TBC1D9: variants seen among roughly 807,000 people sequenced by gnomAD.
TBC1D9 encodes TBC1 domain family member 9A.
Under a neutral mutation model 132.0 loss-of-function variants are expected in TBC1D9, and 63 were observed. That is an observed-to-expected ratio of 0.48 (90% confidence interval 0.39 to 0.59). The LOEUF (loss-of-function observed/expected upper bound fraction) is 0.59. Ranked by LOEUF, TBC1D9 falls within the 20% of genes least tolerant of loss-of-function variation. The pLI is 0.00. For missense variants in TBC1D9, 1,261 were observed against 1,592.7 expected (o/e 0.79, Z 3.54); for synonymous variants, 610 against 609.9 (o/e 1.00, Z 0.00).
intron 1 of TBC1D9, among the ~76,000 whole-genome samples, chr4:140,714,965 T>C (rs975327067): frequency 1.3e-5 from 2 of 151,984 alleles, no homozygotes; most frequent in African/African-American, 2.4e-5. Flanking sequence ...TACAAAAAAA[T>C]TTAAAAATTA....
chr4:140,711,947 A>G (rs114598252), intron 1 of TBC1D9, among the ~76,000 whole-genome samples: 3,605 of 152,284 alleles, frequency 0.024, 71 homozygotes, highest in Non-Finnish European at 0.031. Context: ...AAATATCTCA[A>G]ATGTACATTC....
chr4:140,643,162 T>C lies in TBC1D9; in HGVS notation c.2338-3734A>G, dbSNP rs1306058187. 5 of 1,439,850 alleles carry C rather than the reference T, an allele frequency of 3.5e-6. No homozygotes were observed. In the African/African-American group the frequency reaches 7.1e-5, roughly 20 times the overall value. The allele number at this position is 1,439,850 out of a possible 1,614,324, so 89.2% of individuals were successfully genotyped here. A position where few individuals can be genotyped will look rare whatever the true frequency, so the allele number is the denominator to read the frequency against. On this transcript the variant is annotated intron_variant, in intron 13 of 20. Coordinates refer to ENST00000442267, the MANE Select transcript of TBC1D9 (RefSeq NM_015130.3). Reference sequence around the variant, plus strand: ...TCCAGCACCTCCCTCAGCATGTGGCTGCCGGCTGCCAGCAGGCTCTCCAGT... The same window carrying C: ...TCCAGCACCTCCCTCAGCATGTGGCCGCCGGCTGCCAGCAGGCTCTCCAGT...
Position 140,707,128 on chromosome 4 carries a change from G to GT in TBC1D9, c.131-5515dup, listed in dbSNP as rs5862496. Among the ~76,000 whole-genome samples, 40 of 150,778 alleles carry GT rather than the reference G, an allele frequency of 2.7e-4. No individual in the cohort carries two copies. In the East Asian group the frequency reaches 5.1e-3, roughly 19 times the overall value. ...TATCTCCAATACTTAGTATTACCAG[G>GT]TTTTTTTTTTTATTTTCACCAATCT... On this transcript the variant is annotated intron_variant, in intron 1 of 20. Transcript: ENST00000442267.
chr4:140,646,564 T>C (rs1353847513), intron 13 of TBC1D9, among the ~76,000 whole-genome samples: 1 of 152,236 alleles, frequency 6.6e-6, no homozygotes, highest in African/African-American at 2.4e-5. Context: ...TCAGTCTGTG[T>C]AGTGGACTCT....
intron 13 of TBC1D9, among the ~76,000 whole-genome samples, chr4:140,649,562 C>T (rs1426491043): frequency 1.3e-5 from 2 of 152,166 alleles, no homozygotes; most frequent in Non-Finnish European, 2.9e-5. Flanking sequence ...AAAAGCCTAA[C>T]ATTACAGGAG....
intron 2 of TBC1D9, among the ~76,000 whole-genome samples, chr4:140,690,217 C>T (rs1737856695): frequency 6.6e-6 from 1 of 152,072 alleles, no homozygotes. Context: ...TCTTTCCCAC[C>T]CCATCTTCAA....
At chr4:140,755,535 CA>C (rs1212218959) in intron 1 of TBC1D9, among the ~76,000 whole-genome samples, 1 of 151,970 alleles carries the variant, frequency 6.6e-6, no homozygotes, top group Non-Finnish European at 1.5e-5. Flanking sequence ...GAAAGTGGAG[CA>C]AAAATTAACC....
chr4:140,733,705 G>T (rs1338891466), intron 1 of TBC1D9, among the ~76,000 whole-genome samples: 1 of 151,974 alleles, frequency 6.6e-6, no homozygotes, highest in Admixed American at 6.6e-5. Flanking sequence ...GGAATCTAAA[G>T]GTTCATGAAA....
chr4:140,676,148 C>T (rs1737619099), intron 6 of TBC1D9, among the ~76,000 whole-genome samples: 1 of 152,226 alleles, frequency 6.6e-6, no homozygotes, highest in African/African-American at 2.4e-5. Context: ...AGCCTATTTA[C>T]TCGGCGTAGC....
chr4:140,634,739 T>C (rs1451738346), intron 15 of TBC1D9, among the ~76,000 whole-genome samples: 2 of 152,174 alleles, frequency 1.3e-5, no homozygotes, highest in Non-Finnish European at 2.9e-5. Context: ...AACCCCCTGC[T>C]TCCCTGCTCA....
At chr4:140,661,204 G>A (rs1053265628) in intron 10 of TBC1D9, among the ~76,000 whole-genome samples, 3 of 152,146 alleles carry the variant, frequency 2.0e-5, no homozygotes, top group Non-Finnish European at 2.9e-5. Flanking sequence ...GTGAGCCACC[G>A]CACCTGGCCG....
rs1447007625 is a variant in TBC1D9, at chr4:140,642,624, T to C, written c.2338-3196A>G. On this transcript the variant is annotated intron_variant, in intron 13 of 20. Coordinates refer to ENST00000442267, the MANE Select transcript of TBC1D9 (RefSeq NM_015130.3). The stretch of plus-strand genomic sequence containing the variant: ...TTCTTCTTAATCTTCAGCTGACTTA[T>C]GAACTTAGACGAAGCCTCGTGTTCA... 1.6e-5 allele frequency: 13 copies of C among 796,050 alleles called. No homozygotes were observed. In the South Asian group the frequency reaches 2.0e-4, roughly 12 times the overall value. The allele number at this position is 796,050 out of a possible 1,614,324, so 49.3% of individuals were successfully genotyped here. A position where few individuals can be genotyped will look rare whatever the true frequency, so the allele number is the denominator to read the frequency against.
chr4:140,755,364 CT>C (rs1474213418), intron 1 of TBC1D9, among the ~76,000 whole-genome samples: 1 of 152,150 alleles, frequency 6.6e-6, no homozygotes, highest in African/African-American at 2.4e-5. Context: ...AGACAATTTG[CT>C]TTGCTTTATG....
At chr4:140,746,779 A>C (rs1215733232) in intron 1 of TBC1D9, among the ~76,000 whole-genome samples, 3 of 152,174 alleles carry the variant, frequency 2.0e-5, no homozygotes, top group Admixed American at 2.0e-4. Context: ...AATTATTTCC[A>C]CTGGGTCCCT....
At chr4:140,673,301 A>G (rs1311185392) in intron 6 of TBC1D9, among the ~76,000 whole-genome samples, 3 of 152,222 alleles carry the variant, frequency 2.0e-5, no homozygotes, top group Non-Finnish European at 4.4e-5. Flanking sequence ...TGTGTGTTAA[A>G]AACCTCCAGT....
chr4:140,737,739 T>C (rs549660199), intron 1 of TBC1D9, among the ~76,000 whole-genome samples: 58 of 152,370 alleles, frequency 3.8e-4, no homozygotes, highest in Middle Eastern at 3.4e-3. Flanking sequence ...ATAGTAATCC[T>C]GCTGCAAGCA....
intron 1 of TBC1D9, among the ~76,000 whole-genome samples, chr4:140,720,208 T>C (rs544786841): frequency 2.0e-5 from 3 of 152,134 alleles, no homozygotes; most frequent in Non-Finnish European, 2.9e-5. Flanking sequence ...AAGGGAGTGC[T>C]TGAAAGGTTT....
intron 7 of TBC1D9, 102 bp from the exon 8 acceptor site, chr4:140,669,906 C>T (rs958727483): frequency 5.5e-5 from 66 of 1,208,268 alleles, no homozygotes; most frequent in Non-Finnish European, 7.1e-5. Context: ...TCATTTTTTT[C>T]CCATGGTGTT....
chr4:140,735,439 T>C (rs1450548292), intron 1 of TBC1D9, among the ~76,000 whole-genome samples: 1 of 152,184 alleles, frequency 6.6e-6, no homozygotes, highest in Admixed American at 6.5e-5. Context: ...CAGCTGGGCA[T>C]GGTAGCTCAC....
Sources: allele counts gnomAD v4.1 joint callset (sites outside exome capture counted in the v4.1 genomes callset), GRCh38; gene constraint gnomAD v4.1.1; transcripts MANE v1.5; gene names NCBI Gene and HGNC (gene_info 2026-07-23, HGNC 2026-07-21).